Variants in ITGB2 observed in about 807,000 individuals in gnomAD.
ITGB2 encodes integrin beta-2.
ITGB2 carries 56 observed loss-of-function variants against 86.8 expected under a neutral mutation model. The observed-to-expected ratio is 0.65, with a 90% CI of 0.52 to 0.81. ITGB2 has a LOEUF of 0.81. ITGB2 is among the 30% of genes least tolerant of loss of function. ITGB2 has a pLI of 0.00. For synonymous variants in ITGB2, 457 were observed against 450.4 expected (o/e 1.01, Z -0.19); for missense variants, 948 against 1,061.2 (o/e 0.89, Z 1.48).
intron 1 of ITGB2, among the ~76,000 whole-genome samples, chr21:44,913,175 C>T (rs537333961): frequency 1.8e-4 from 28 of 152,136 alleles, no homozygotes; most frequent in African/African-American, 6.5e-4. Context: ...TCCCCCAGGT[C>T]GCAGCTGCGC....
At chr21:44,889,111 A>C in intron 13 of ITGB2, 165 bp downstream of exon 13, 1 of 707,690 alleles carries the variant, frequency 1.4e-6, no homozygotes, top group Non-Finnish European at 2.4e-6. Context: ...GGGAGGAGGG[A>C]CACAGGGGCA....
intron 8 of ITGB2, among the ~76,000 whole-genome samples, chr21:44,895,724 C>A (rs1180233136): frequency 6.6e-6 from 1 of 151,280 alleles, no homozygotes; most frequent in Admixed American, 6.6e-5. Context: ...ACCTGTAAGC[C>A]CAGCTACTCA....
chr21:44,899,516 C>T (rs560184219), intron 7 of ITGB2, among the ~76,000 whole-genome samples: 3 of 152,072 alleles, frequency 2.0e-5, no homozygotes, highest in South Asian at 2.1e-4. Flanking sequence ...GTGTCAGGTG[C>T]GGCTCTCCCT....
intron 15 of ITGB2, 119 bp from the exon 16 acceptor site, chr21:44,886,549 C>A: frequency 1.4e-6 from 2 of 1,393,936 alleles, no homozygotes; most frequent in Non-Finnish European, 2.0e-6. Flanking sequence ...AGACGTGGGG[C>A]AGCCCCCCCA....
intron 1 of ITGB2, among the ~76,000 whole-genome samples, chr21:44,920,615 C>A (rs1261642781): frequency 2.0e-5 from 3 of 152,226 alleles, no homozygotes; most frequent in African/African-American, 7.2e-5. Flanking sequence ...TCCCAGCACA[C>A]CATGTGGCTC....
exon 1 of ITGB2, chr21:44,928,680 G>A (rs537910464): frequency 1.5e-4 from 25 of 165,892 alleles, no homozygotes; most frequent in East Asian, 3.8e-4. Context: ...CCCTGGACTC[G>A]GAGTCCACTT....
At chr21:44,903,224 T>A in intron 5 of ITGB2, 141 bp downstream of exon 5, 1 of 925,178 alleles carries the variant, frequency 1.1e-6, no homozygotes, top group Non-Finnish European at 1.7e-6. Flanking sequence ...TGCAGCCCTG[T>A]GGATGCCCTG....
intron 1 of ITGB2, chr21:44,911,163 C>T: frequency 2.6e-6 from 1 of 377,388 alleles, no homozygotes; most frequent in Non-Finnish European, 5.1e-6. Flanking sequence ...GCACACACCA[C>T]ACATATACAT....
At position 44,910,577 on chromosome 21, in the gene ITGB2, C is replaced by T. The variant is rs779189298; in HGVS notation, c.58+148G>A. 7 of 1,378,262 alleles carry T rather than the reference C, an allele frequency of 5.1e-6. No homozygotes were observed. The Admixed American group carries it at 7.9e-5, about 15-fold the overall frequency. 85.4% of individuals were successfully genotyped at this position (1,378,262 alleles called of 1,614,324 possible). ...TACAGCCTCCTGGCACGTGCGGAGACGAGGCCTGAGTCCCCGACCTACCCC... is the reference window on the plus strand; with the variant it reads ...TACAGCCTCCTGGCACGTGCGGAGATGAGGCCTGAGTCCCCGACCTACCCC... On this transcript the variant is annotated intron_variant, in intron 2 of 15. Transcript: ENST00000652462.
In ITGB2 at chr21:44,886,238, TTTGAGGG is replaced by T; in HGVS notation, c.*123_*129del. The T allele has an allele frequency of 4.2e-6, 4 of 942,050 alleles. No homozygotes were observed. Among genetic ancestry groups the T allele is most frequent in the Admixed American group, 1.8e-5 (1 of 55,368 alleles). The allele number at this position is 942,050 out of a possible 1,614,324, so 58.4% of individuals were successfully genotyped here. ...GCACCCGGCCGGCCATGGCTGTCAT[TTTGAGGG>T]CGGAAAATAACTGGATTTCTGGTTA... On this transcript the variant is annotated 3_prime_UTR_variant, in exon 16 of 16. Transcript: ENST00000652462.
intron 14 of ITGB2, among the ~76,000 whole-genome samples, chr21:44,887,541 G>C (rs2083716983): frequency 6.6e-6 from 1 of 151,874 alleles, no homozygotes; most frequent in Non-Finnish European, 1.5e-5. Flanking sequence ...ATCCTGACCT[G>C]CACCCTCACT....
chr21:44,907,655 T>A (rs942826945), intron 3 of ITGB2, among the ~76,000 whole-genome samples: 14 of 152,210 alleles, frequency 9.2e-5, no homozygotes, highest in Admixed American at 9.2e-4. Context: ...ATGAGGGCTG[T>A]GTTTGGTGGG....
At chr21:44,925,730 T>G (rs937400315), upstream of ITGB2, among the ~76,000 whole-genome samples, 1 of 152,106 alleles carries the variant, frequency 6.6e-6, no homozygotes, top group African/African-American at 2.4e-5. Context: ...AGATAACTAA[T>G]AGATGCCAAC....
At chr21:44,919,020 G>GCTGAGC (rs58007154) in intron 1 of ITGB2, among the ~76,000 whole-genome samples, 7 of 149,650 alleles carry the variant, frequency 4.7e-5, no homozygotes, top group South Asian at 2.1e-4. Context: ...AGCACTCGGA[G>GCTGAGC]GCACCTGCAG....
Position 44,891,841 on chromosome 21 carries a change from A to G in ITGB2, c.1380T>C (p.His460=), listed in dbSNP as rs142565171. Residue 460 remains histidine (H), a synonymous_variant, in exon 11 of 16, where the codon CAT becomes CAC. Transcript: ENST00000652462. ...RDQSRDRSLC[H]GKGFLECGIC... is the part of the protein sequence containing the mutation. ...TGCCGCACTCCAAGAAGCCCTTGCC[A>G]TGGCAGAGGCTGCGGTCTCTGCTCT... 41 of 1,609,786 alleles carry G rather than the reference A, an allele frequency of 2.5e-5. No individual in the cohort carries two copies. Among genetic ancestry groups the G allele is most frequent in the Admixed American group, 3.3e-5 (2 of 60,006 alleles).
At chr21:44,916,678 A>G (rs1367554526) in intron 1 of ITGB2, among the ~76,000 whole-genome samples, 1 of 151,954 alleles carries the variant, frequency 6.6e-6, no homozygotes, top group East Asian at 1.9e-4. Context: ...GACCAGCCTG[A>G]GCAACATAGT....
At position 44,901,720 on chromosome 21, in the gene ITGB2, G is replaced by A. The variant is rs372174688; in HGVS notation, c.513C>T (p.Phe171=). The change falls in exon 6 of 16, where the codon TTC becomes TTT. Residue 171 remains phenylalanine (F), a synonymous_variant. Coordinates refer to ENST00000652462, the MANE Select transcript of ITGB2 (RefSeq NM_000211.5). ...CGAACGGCAGCACGGTCTTGTCCAC[G>A]AAGGACCCGAAGCCTGCAGGGCACA... ...TESGRIGFGS[F]VDKTVLPFVN... 3.6e-5 allele frequency: 58 copies of A among 1,610,802 alleles called. No homozygotes were observed. Among genetic ancestry groups the A allele is most frequent in the African/African-American group, 1.3e-4 (10 of 74,996 alleles).
intron 8 of ITGB2, among the ~76,000 whole-genome samples, chr21:44,895,441 G>T (rs911392912): frequency 6.6e-6 from 1 of 152,044 alleles, no homozygotes; most frequent in African/African-American, 2.4e-5. Context: ...GAGGCAGGAG[G>T]ATCACTTAAA....
intron 1 of ITGB2, 127 bp from the exon 2 acceptor site, chr21:44,910,912 T>TA: frequency 1.1e-6 from 1 of 937,530 alleles, no homozygotes; most frequent in Non-Finnish European, 1.6e-6. Flanking sequence ...GGGGGTGGGT[T>TA]AGGGTCAGGC....
Sources: gnomAD v4.1 joint callset for allele counts (sites outside exome capture counted in the v4.1 genomes callset) on GRCh38, gnomAD v4.1.1 for gene constraint, MANE v1.5 for transcripts, NCBI Gene and HGNC (gene_info 2026-07-23, HGNC 2026-07-21) for gene names.